Variants in ANXA13 observed in about 807,000 individuals in gnomAD.
The protein encoded by ANXA13 is annexin XIII.
A neutral mutation model predicts 46.6 loss-of-function variants in ANXA13; 36 were observed. That is an observed-to-expected ratio of 0.77 (90% confidence interval 0.59 to 1.02). ANXA13 has a LOEUF of 1.02. ANXA13 is among the 50% of genes least tolerant of loss of function. ANXA13 has a pLI of 0.00. For synonymous variants in ANXA13, 163 were observed against 152.9 expected (o/e 1.07, Z -0.49); for missense variants, 417 against 396.5 (o/e 1.05, Z -0.44).
At chr8:123,695,906 G>GCC (rs369319261) in intron 4 of ANXA13, among the ~76,000 whole-genome samples, 185 bp from the exon 5 acceptor site, 30 of 91,166 alleles carry the variant, frequency 3.3e-4, no homozygotes, top group Admixed American at 7.2e-4. Context: ...GTGACGGCCC[G>GCC]CCCCCCCCCC....
chr8:123,702,563 C>T (rs547721509), intron 3 of ANXA13, 79 bp downstream of exon 3: 12 of 1,102,764 alleles, frequency 1.1e-5, no homozygotes, highest in Admixed American at 5.4e-5. Flanking sequence ...AGATATTCTG[C>T]GTGGCCTGGG....
chr8:123,697,186 T>G lies in ANXA13; in HGVS notation c.357+1203A>C, dbSNP rs1367814343. 2.0e-5 allele frequency among the ~76,000 whole-genome samples: 3 copies of G among 152,188 alleles called. No homozygotes were observed. In the East Asian group the frequency reaches 5.8e-4, roughly 29 times the overall value. On this transcript the variant is annotated intron_variant, in intron 4 of 10. Coordinates refer to ENST00000419625, the MANE Select transcript of ANXA13 (RefSeq NM_004306.4). ...CTTTGGTCTCCCAAAGTGCTAAGATTACAGGCGTGAACCACTGTACCTGGC... is the reference window on the plus strand; with the variant it reads ...CTTTGGTCTCCCAAAGTGCTAAGATGACAGGCGTGAACCACTGTACCTGGC...
At chr8:123,711,582 A>G (rs1220117883) in intron 2 of ANXA13, 1 of 150,386 alleles carries the variant, frequency 6.6e-6, no homozygotes, top group Non-Finnish European at 1.5e-5. Context: ...TTGATGGTTG[A>G]TCTTGGCCAG....
intron 4 of ANXA13, among the ~76,000 whole-genome samples, chr8:123,697,423 G>A (rs964431514): frequency 2.0e-5 from 3 of 152,132 alleles, no homozygotes; most frequent in Admixed American, 2.0e-4. Flanking sequence ...CCTTGAAATG[G>A]AGGATTTTTA....
chr8:123,702,232 G>A (rs1813458300), intron 3 of ANXA13, among the ~76,000 whole-genome samples: 1 of 144,366 alleles, frequency 6.9e-6, no homozygotes, highest in Admixed American at 7.2e-5. Flanking sequence ...AAAAATAGGT[G>A]TTGATAGCTT....
At chr8:123,703,662 G>A (rs1382100790) in intron 2 of ANXA13, among the ~76,000 whole-genome samples, 1 of 152,220 alleles carries the variant, frequency 6.6e-6, no homozygotes, top group African/African-American at 2.4e-5. Flanking sequence ...CAGGAGAGAA[G>A]TCTTGATTGA....
chr8:123,721,366 G>A (rs1054068687), intron 1 of ANXA13, among the ~76,000 whole-genome samples: 4 of 152,146 alleles, frequency 2.6e-5, no homozygotes, highest in Non-Finnish European at 4.4e-5. Flanking sequence ...AACCAGGCAC[G>A]AGGCTGTTTT....
At chr8:123,695,617 A>G in intron 5 of ANXA13, 36 bp from the exon 6 acceptor site, 3 of 1,610,564 alleles carry the variant, frequency 1.9e-6, no homozygotes, top group Non-Finnish European at 2.5e-6. Context: ...AAGAAAGCAG[A>G]TGATTTAGTT....
rs1303739538 is a variant in ANXA13 at position 123,706,465 on chromosome 8, G to A, written c.92-3729C>T. Reference sequence around the variant, plus strand: ...TGTACTGGGCCAGCCAGGAAGCTGGGGCTCAGGCCTGGCTGTCCCCTTTCC... The same window carrying A: ...TGTACTGGGCCAGCCAGGAAGCTGGAGCTCAGGCCTGGCTGTCCCCTTTCC... On this transcript the variant is annotated intron_variant, in intron 2 of 10. Coordinates refer to ENST00000419625, the MANE Select transcript of ANXA13 (RefSeq NM_004306.4). Among the ~76,000 whole-genome samples, 3 of 152,136 alleles carry A rather than the reference G, an allele frequency of 2.0e-5. 1 individual carries two copies. The highest frequency in any genetic ancestry group is 4.4e-5 in the Non-Finnish European group (3 of 68,032).
chr8:123,719,068 G>C (rs1285389281), intron 1 of ANXA13, among the ~76,000 whole-genome samples: 1 of 152,208 alleles, frequency 6.6e-6, no homozygotes, highest in African/African-American at 2.4e-5. Context: ...ATGTGTGAAG[G>C]AGTTTGCTGA....
At chr8:123,707,603 G>T (rs1264770272) in intron 2 of ANXA13, among the ~76,000 whole-genome samples, 3 of 152,066 alleles carry the variant, frequency 2.0e-5, no homozygotes, top group African/African-American at 7.2e-5. Flanking sequence ...GAACAGAAAA[G>T]CAAACACTGC....
chr8:123,716,798 G>C (rs62519880), intron 1 of ANXA13, among the ~76,000 whole-genome samples: 8,269 of 152,198 alleles, frequency 0.054, 293 homozygotes, highest in Non-Finnish European at 0.079. Context: ...GACAGCTGAC[G>C]ATGGGCCTCA....
intron 7 of ANXA13, 129 bp downstream of exon 7, chr8:123,693,582 A>G (rs1484452786): frequency 1.2e-6 from 1 of 814,952 alleles, no homozygotes; most frequent in African/African-American, 1.7e-5. Flanking sequence ...TGATCTAGAA[A>G]GATCTAAGCA....
chr8:123,718,653 T>C (rs978923032), intron 1 of ANXA13, among the ~76,000 whole-genome samples: 1 of 152,204 alleles, frequency 6.6e-6, no homozygotes, highest in African/African-American at 2.4e-5. Flanking sequence ...TTCTTCCTTC[T>C]AGTAGGTCTA....
At chr8:123,691,672 T>G (rs1813245874) in intron 8 of ANXA13, among the ~76,000 whole-genome samples, 1 of 152,218 alleles carries the variant, frequency 6.6e-6, no homozygotes, top group Admixed American at 6.5e-5. Flanking sequence ...TAAAGCTGAC[T>G]TCTTAAACTG....
At chr8:123,711,337 ATCCT>A in intron 2 of ANXA13, among the ~76,000 whole-genome samples, 1 of 152,310 alleles carries the variant, frequency 6.6e-6, no homozygotes, top group East Asian at 1.9e-4. Flanking sequence ...TTCAAGGGAA[ATCCT>A]TCCATCTGTG....
rs566060641 is a variant in ANXA13, at chr8:123,733,957, G to C, written c.15+3363C>G. Among the ~76,000 whole-genome samples the C allele has an allele frequency of 2.6e-5, 4 of 152,296 alleles. No individual in the cohort carries two copies. In the South Asian group the frequency reaches 6.2e-4, roughly 24 times the overall value. On this transcript the variant is annotated intron_variant, in intron 1 of 10. Transcript: ENST00000419625. Reference sequence around the variant, plus strand: ...TGCCTGAAAATCACTTGAAGAGTCTGTTAAAATGCAGACTATGATTCAATA... The same window carrying C: ...TGCCTGAAAATCACTTGAAGAGTCTCTTAAAATGCAGACTATGATTCAATA...
intron 2 of ANXA13, among the ~76,000 whole-genome samples, chr8:123,710,984 A>C (rs1813647620): frequency 6.6e-6 from 1 of 151,966 alleles, no homozygotes; most frequent in Admixed American, 6.6e-5. Context: ...AGAGTCAATC[A>C]ATTTTTCCCG....
At chr8:123,735,840 A>G (rs370410241) in intron 1 of ANXA13, 1 of 1,612,196 alleles carries the variant, frequency 6.2e-7, no homozygotes, top group South Asian at 1.1e-5. Flanking sequence ...CCCTTTAGGC[A>G]ACTGTTGACT....
Sources: gnomAD v4.1 joint callset for allele counts (sites outside exome capture counted in the v4.1 genomes callset) on GRCh38, gnomAD v4.1.1 for gene constraint, MANE v1.5 for transcripts, NCBI Gene and HGNC (gene_info 2026-07-23, HGNC 2026-07-21) for gene names.